The following TLR7 variants were observed in gnomAD, a reference collection of about 807,000 sequenced individuals.
TLR7 encodes the protein toll-like receptor 7.
In TLR7, 12 loss-of-function variants were observed where a neutral mutation model predicts 38.3. The ratio of observed to expected loss-of-function variants is 0.31; its 90% CI spans 0.20 to 0.51. The LOEUF is 0.51. TLR7 is among the 20% of genes least tolerant of loss of function. The pLI is 0.98. For synonymous variants in TLR7, 285 were observed against 293.8 expected, an observed-to-expected ratio of 0.97 and a Z score of 0.31; for missense variants, 504 against 743.4, an observed-to-expected ratio of 0.68 and a Z score of 3.74.
At chrX:12,877,373 C>T (rs2042876121) in intron 2 of TLR7, 2 of 96,663 alleles carry the variant, frequency 2.1e-5, no homozygotes, top group South Asian at 5.4e-4. Context: ...ATGGGTTTTA[C>T]TATTCTAATA....
intron 2 of TLR7, among the ~76,000 whole-genome samples, chrX:12,882,457 C>T (rs776100626): frequency 1.9e-5 from 2 of 106,115 alleles, no homozygotes; most frequent in African/African-American, 3.5e-5. Flanking sequence ...AAGTGGGGGG[C>T]GGGGGAGGTT....
chrX:12,875,511 T>C (rs2042867183), intron 2 of TLR7, among the ~76,000 whole-genome samples: 1 of 112,267 alleles, frequency 8.9e-6, no homozygotes, highest in Non-Finnish European at 1.9e-5. Flanking sequence ...ATGGTTTAGC[T>C]GTGTCCCCAC....
intron 2 of TLR7, among the ~76,000 whole-genome samples, chrX:12,884,567 T>G (rs1424991722): frequency 8.9e-6 from 1 of 111,899 alleles, no homozygotes. Context: ...AGGGCCTTTC[T>G]CCCTAGGGTC....
intron 2 of TLR7, among the ~76,000 whole-genome samples, chrX:12,871,860 C>G (rs1359707717): frequency 9.0e-6 from 1 of 111,463 alleles, no homozygotes; most frequent in Non-Finnish European, 1.9e-5. Flanking sequence ...AAAGCGTTCC[C>G]CAGGCCTCAA....
rs773548011 is a variant in TLR7, at chrX:12,868,168, T to A, written c.3+587T>A. 2.7e-5 allele frequency among the ~76,000 whole-genome samples: 3 copies of A among 110,155 alleles called. No homozygotes were observed. In the East Asian group the frequency reaches 8.5e-4, roughly 31 times the overall value. On this transcript the variant is annotated intron_variant, in intron 2 of 2. Coordinates refer to ENST00000380659, the MANE Select transcript of TLR7 (RefSeq NM_016562.4). ...AAAGATTTCTGGCCAAGGAGTAGAG[T>A]GGGGGTCAGTGGATGGAAAATTACT...
intron 2 of TLR7, among the ~76,000 whole-genome samples, chrX:12,877,865 G>A (rs2042878376): frequency 9.0e-6 from 1 of 111,429 alleles, no homozygotes; most frequent in African/African-American, 3.3e-5. Context: ...GATCTTCAGG[G>A]AAAAATTCCT....
Position 12,887,046 on chromosome X carries a change from T to G in TLR7, c.1538T>G (p.Phe513Cys), listed in dbSNP as rs761790675. The G allele has an allele frequency of 8.3e-7, 1 of 1,211,163 alleles. No individual in the cohort carries two copies. Among genetic ancestry groups the G allele is most frequent in the Admixed American group, 2.2e-5 (1 of 45,938 alleles). The change falls in exon 3 of 3, where the codon TTT becomes TGT. Residue 513 changes from phenylalanine (F) to cysteine (C), a missense_variant. By Grantham distance (205) the Phe-to-Cys change is radical (BLOSUM62 -2). Coordinates refer to ENST00000380659, the MANE Select transcript of TLR7 (RefSeq NM_016562.4). Reference protein sequence around the residue: ...NSIFFVKSSDFQHLSFLKCLN... With the variant: ...NSIFFVKSSDCQHLSFLKCLN... ...ATATTTTTTGTCAAGTCCTCTGATT[T>G]TCAGCATCTTTCTTTCCTCAAATGC...
At position 12,889,841 on chromosome X, in the gene TLR7, C is replaced by T. The variant is rs969399656; in HGVS notation, c.*1183C>T. ...AACGTTAGATGGTTTTGATGGTAAA[C>T]CCTAAAGGAGGACTCCAAGAGTGTG... is the stretch of plus-strand genomic sequence containing the variant. On this transcript the variant is annotated 3_prime_UTR_variant, in exon 3 of 3. Transcript: ENST00000380659. 1 of 112,416 alleles carries T rather than the reference C, an allele frequency of 8.9e-6. No homozygotes were observed. Among genetic ancestry groups the T allele is most frequent in the Non-Finnish European group, 1.9e-5 (1 of 53,311 alleles). The allele number at this position is 112,416 out of a possible 1,213,427, so 9.3% of individuals were successfully genotyped here.
chrX:12,881,545 A>ATAAC (rs1555907664), intron 2 of TLR7, among the ~76,000 whole-genome samples: 1 of 103,908 alleles, frequency 9.6e-6, no homozygotes, highest in African/African-American at 3.8e-5. Context: ...TAAATAATAA[A>ATAAC]TGAGTTATTT....
chrX:12,881,442 TAATA>T lies in TLR7; in HGVS notation c.4-4066_4-4063del, dbSNP rs200315140. Among the ~76,000 whole-genome samples the T allele has an allele frequency of 9.7e-3, 1,050 of 107,986 alleles. 22 individuals carry two copies. The highest frequency in any genetic ancestry group is 0.033 in the African/African-American group (992 of 29,705). 93.8% of individuals were successfully genotyped at this position (107,986 alleles called of 115,157 possible). A position where few individuals can be genotyped will look rare whatever the true frequency, so the allele number is the denominator to read the frequency against. On this transcript the variant is annotated intron_variant, in intron 2 of 2. Transcript: ENST00000380659. ...AAATAAATGAGTCATTTATTCTTTT[TAATA>T]AATGAGTTATTCTTTTTAATAAATA...
chrX:12,880,311 C>T (rs2042886855), intron 2 of TLR7, among the ~76,000 whole-genome samples: 1 of 111,771 alleles, frequency 8.9e-6, no homozygotes, highest in Non-Finnish European at 1.9e-5. Flanking sequence ...ACAGAACCTG[C>T]CTCAGAGGGG....
At chrX:12,875,237 CAGAG>C (rs774961460) in intron 2 of TLR7, among the ~76,000 whole-genome samples, 1 of 111,745 alleles carries the variant, frequency 8.9e-6, no homozygotes, top group Non-Finnish European at 1.9e-5. Flanking sequence ...TCCCTGACAG[CAGAG>C]AGAGAGTTCT....
chrX:12,880,534 C>G (rs932586317), intron 2 of TLR7, among the ~76,000 whole-genome samples: 1 of 111,885 alleles, frequency 8.9e-6, no homozygotes, highest in African/African-American at 3.3e-5. Context: ...CCTTTTCCCC[C>G]AAGGAATCCC....
At chrX:12,874,046 G>T (rs1205389968) in intron 2 of TLR7, among the ~76,000 whole-genome samples, 1 of 112,685 alleles carries the variant, frequency 8.9e-6, no homozygotes, top group South Asian at 3.6e-4. Context: ...AAGGCCGGGC[G>T]TAGTGGCTCT....
Position 12,888,398 on chromosome X carries a change from A to G in TLR7, c.2890A>G (p.Thr964Ala), listed in dbSNP as rs1478503554. The G allele has an allele frequency of 1.7e-6, 2 of 1,212,081 alleles. No homozygotes were observed. Among genetic ancestry groups the G allele is most frequent in the Admixed American group, 2.2e-5 (1 of 46,069 alleles). The change falls in exon 3 of 3, where the codon ACT becomes GCT. Residue 964 changes from threonine to alanine, a missense_variant. Thr to Ala is a moderately conservative substitution (Grantham distance 58, BLOSUM62 0). Transcript: ENST00000380659. ...VFVMTDKYAK[T>A]ENFKIAFYLS... is the part of the protein sequence containing the mutation. ...TGTGATGACAGACAAGTATGCAAAGACTGAAAATTTTAAGATAGCATTTTA... is the reference window on the plus strand; with the variant it reads ...TGTGATGACAGACAAGTATGCAAAGGCTGAAAATTTTAAGATAGCATTTTA...
chrX:12,873,069 G>A (rs2042858807), intron 2 of TLR7, among the ~76,000 whole-genome samples: 1 of 111,410 alleles, frequency 9.0e-6, no homozygotes, highest in Non-Finnish European at 1.9e-5. Context: ...CCCTGCTTCA[G>A]CAATATTGGC....
At position 12,889,448 on chromosome X, in the gene TLR7, T is replaced by C. The variant is rs201873998; in HGVS notation, c.*790T>C. 2.7e-5 allele frequency: 3 copies of C among 111,113 alleles called. No homozygotes were observed. Among genetic ancestry groups the C allele is most frequent in the African/African-American group, 6.5e-5 (2 of 30,584 alleles). 9.2% of individuals were successfully genotyped at this position (111,113 alleles called of 1,213,427 possible). A position where few individuals can be genotyped will look rare whatever the true frequency, so the allele number is the denominator to read the frequency against. ...AAAACTCAGTCAGCTTCTTAACCAA[T>C]TGCTTCCGTGTCATCCAGGGCCCCA... On this transcript the variant is annotated 3_prime_UTR_variant, in exon 3 of 3. Transcript: ENST00000380659.
rs371046642 is a variant in TLR7, at chrX:12,885,531, T to C, written c.23T>C (p.Leu8Pro). 2 of 1,201,521 alleles carry C rather than the reference T, an allele frequency of 1.7e-6. No individual in the cohort carries two copies. Among genetic ancestry groups the C allele is most frequent in the African/African-American group, 3.5e-5 (2 of 57,173 alleles). ...TTTCAGGTGTTTCCAATGTGGACAC[T>C]GAAGAGACAAATTCTTATCCTTTTT... is the stretch of plus-strand genomic sequence containing the variant. MVFPMWT[L>P]KRQILILFNI... The change falls in exon 3 of 3, where the codon CTG becomes CCG. Residue 8 changes from leucine (L) to proline (P), a missense_variant. Physicochemically the swap from Leu to Pro is moderately conservative, Grantham distance 98. Coordinates refer to ENST00000380659, the MANE Select transcript of TLR7 (RefSeq NM_016562.4).
intron 2 of TLR7, among the ~76,000 whole-genome samples, chrX:12,868,839 G>A (rs1477568810): frequency 9.0e-6 from 1 of 111,624 alleles, no homozygotes; most frequent in Non-Finnish European, 1.9e-5. Flanking sequence ...GGAAACAACT[G>A]CTTACGGTTT....
Sources: gnomAD v4.1 joint callset for allele counts (sites outside exome capture counted in the v4.1 genomes callset) on GRCh38, gnomAD v4.1.1 for gene constraint, MANE v1.5 for transcripts, NCBI Gene and HGNC (gene_info 2026-07-23, HGNC 2026-07-21) for gene names.